The following DKK3 variants were observed in gnomAD, a reference collection of about 807,000 sequenced individuals.
DKK3 encodes dickkopf-related protein 3.
DKK3 carries 22 observed loss-of-function variants against 33.2 expected under a neutral mutation model. The observed-to-expected ratio is 0.66, with a 90% confidence interval of 0.47 to 0.95. The LOEUF is 0.95. DKK3 is among the 40% of genes least tolerant of loss of function. DKK3 has a pLI of 0.00. For synonymous variants in DKK3, 194 were observed against 188.8 expected, an observed-to-expected ratio of 1.03 and a Z score of -0.23; for missense variants, 398 against 458.4, an observed-to-expected ratio of 0.87 and a Z score of 1.20.
At chr11:11,988,741 G>C (rs954032392) in intron 3 of DKK3, among the ~76,000 whole-genome samples, 1 of 152,176 alleles carries the variant, frequency 6.6e-6, no homozygotes, top group African/African-American at 2.4e-5. Context: ...ATTCCTGAAT[G>C]GTCAAGGAAA....
intron 3 of DKK3, among the ~76,000 whole-genome samples, chr11:11,970,355 C>A (rs1189177962): frequency 6.6e-6 from 1 of 152,152 alleles, no homozygotes; most frequent in African/African-American, 2.4e-5. Context: ...CAGAAATTTG[C>A]CTCTTCAAAT....
chr11:11,964,523 T>C lies in DKK3; in HGVS notation c.994A>G (p.Met332Val), dbSNP rs759549434. The C allele has an allele frequency of 6.2e-7, 1 of 1,614,000 alleles. No individual in the cohort carries two copies. Among genetic ancestry groups the C allele is most frequent in the Non-Finnish European group, 8.5e-7 (1 of 1,180,008 alleles). ...EDLERSLTEEMALREPAAAAA... is the reference protein window; with the variant it reads ...EDLERSLTEEVALREPAAAAA... Reference sequence around the variant, plus strand: ...GCAGCCGCAGGCTCCCTCAGCGCCATCTCTTCAGTCAGGCTCCTCTCCAGG... The same window carrying C: ...GCAGCCGCAGGCTCCCTCAGCGCCACCTCTTCAGTCAGGCTCCTCTCCAGG... Residue 332 changes from methionine to valine, a missense_variant, in exon 7 of 7, where the codon ATG becomes GTG. Transcript: ENST00000683431.
intron 3 of DKK3, among the ~76,000 whole-genome samples, chr11:11,975,402 T>C (rs1847812002): frequency 6.6e-6 from 1 of 152,240 alleles, no homozygotes; most frequent in Admixed American, 6.5e-5. Context: ...GTACACATTC[T>C]AGTCACTGAA....
chr11:11,976,248 G>C (rs574415795), intron 3 of DKK3, among the ~76,000 whole-genome samples: 1 of 152,320 alleles, frequency 6.6e-6, no homozygotes, highest in African/African-American at 2.4e-5. Context: ...CTCTGCTCTG[G>C]AGGGGAAGAC....
rs541867290 is a variant in DKK3 at position 12,007,199 on chromosome 11, G to A, written c.213+1171C>T. Among the ~76,000 whole-genome samples the A allele has an allele frequency of 2.0e-5, 3 of 152,290 alleles. No homozygotes were observed. In the South Asian group the frequency reaches 6.2e-4, roughly 32 times the overall value. ...GCCCCAAACTACAAAGGGCTGCGGGGAGAAAGCAACTTCCCCCTGGAGACA... is the reference window on the plus strand; with the variant it reads ...GCCCCAAACTACAAAGGGCTGCGGGAAGAAAGCAACTTCCCCCTGGAGACA... On this transcript the variant is annotated intron_variant, in intron 1 of 6. Coordinates refer to ENST00000683431, the MANE Select transcript of DKK3 (RefSeq NM_001018057.2).
chr11:11,974,116 A>T (rs1847782244), intron 3 of DKK3, among the ~76,000 whole-genome samples: 1 of 152,212 alleles, frequency 6.6e-6, no homozygotes, highest in South Asian at 2.1e-4. Context: ...CTCTGGAGAG[A>T]ACATCTTCAG....
chr11:12,005,949 T>C lies in DKK3; in HGVS notation c.213+2421A>G, dbSNP rs143796701. Reference sequence around the variant, plus strand: ...AAGATATTTTAAAAGATAGATTCTATTGAGAATCTATCAGACACTGGTGGT... The same window carrying C: ...AAGATATTTTAAAAGATAGATTCTACTGAGAATCTATCAGACACTGGTGGT... On this transcript the variant is annotated intron_variant, in intron 1 of 6. Transcript: ENST00000683431. 2.0e-3 allele frequency among the ~76,000 whole-genome samples: 300 copies of C among 152,326 alleles called. 2 individuals are homozygous for C. The highest frequency in any genetic ancestry group is 3.1e-3 in the Non-Finnish European group (211 of 68,030).
chr11:12,006,209 T>C (rs1162690634), intron 1 of DKK3, among the ~76,000 whole-genome samples: 1 of 152,220 alleles, frequency 6.6e-6, no homozygotes, highest in Non-Finnish European at 1.5e-5. Context: ...GGGGCCTATA[T>C]GACTCCCTTC....
chr11:12,007,465 G>A (rs1848560956), intron 1 of DKK3, among the ~76,000 whole-genome samples: 1 of 152,198 alleles, frequency 6.6e-6, no homozygotes, highest in African/African-American at 2.4e-5. Context: ...CTGGGCCAGT[G>A]ACATCTCCTG....
At chr11:11,983,173 T>C (rs981947031) in intron 3 of DKK3, among the ~76,000 whole-genome samples, 1 of 152,208 alleles carries the variant, frequency 6.6e-6, no homozygotes, top group Non-Finnish European at 1.5e-5. Flanking sequence ...TTTGCCCTTT[T>C]TAGATGAGTC....
At chr11:11,988,460 C>T (rs1848116598) in intron 3 of DKK3, among the ~76,000 whole-genome samples, 1 of 152,196 alleles carries the variant, frequency 6.6e-6, no homozygotes, top group Non-Finnish European at 1.5e-5. Flanking sequence ...GGCTCTGACC[C>T]TGGAAGAGGA....
chr11:12,001,707 T>C (rs2133329767), intron 2 of DKK3: 1 of 152,450 alleles, frequency 6.6e-6, no homozygotes, highest in Non-Finnish European at 1.5e-5. Context: ...GGAATGAACC[T>C]GGTTGTTCTT....
chr11:11,972,948 G>A (rs971690876), intron 3 of DKK3, among the ~76,000 whole-genome samples: 40 of 152,082 alleles, frequency 2.6e-4, no homozygotes, highest in Admixed American at 2.4e-3. Flanking sequence ...AGAAATAAGA[G>A]GCCTGGGAGG....
intron 2 of DKK3, among the ~76,000 whole-genome samples, chr11:11,999,352 T>C (rs1487208925): frequency 6.6e-6 from 1 of 152,188 alleles, no homozygotes; most frequent in Admixed American, 6.5e-5. Flanking sequence ...AAGTCTAACA[T>C]AGAACCCAGG....
chr11:11,993,458 G>C (rs1419694363), intron 3 of DKK3, among the ~76,000 whole-genome samples: 3 of 151,832 alleles, frequency 2.0e-5, no homozygotes, highest in Non-Finnish European at 4.4e-5. Flanking sequence ...TTTGATTTTA[G>C]ATGTGGAATC....
chr11:11,993,391 A>C (rs1204558381), intron 3 of DKK3, among the ~76,000 whole-genome samples: 1 of 151,778 alleles, frequency 6.6e-6, no homozygotes, highest in Non-Finnish European at 1.5e-5. Context: ...TTTTTCACTT[A>C]ATGTTTGATT....
chr11:11,971,541 A>G (rs2135005376), intron 3 of DKK3, among the ~76,000 whole-genome samples: 1 of 152,346 alleles, frequency 6.6e-6, no homozygotes, highest in South Asian at 2.1e-4. Flanking sequence ...ATCATTAGCA[A>G]TGGTTTGAGA....
chr11:11,982,153 T>C (rs1847968038), intron 3 of DKK3, among the ~76,000 whole-genome samples: 1 of 152,132 alleles, frequency 6.6e-6, no homozygotes, highest in Admixed American at 6.5e-5. Context: ...TGGGGAGTGC[T>C]GTGGGCGCTC....
intron 3 of DKK3, among the ~76,000 whole-genome samples, chr11:11,977,814 C>T (rs911647308): frequency 6.6e-6 from 1 of 152,222 alleles, no homozygotes; most frequent in African/African-American, 2.4e-5. Flanking sequence ...CCGCTGCCTC[C>T]TCCATGGCTC....
Sources: allele counts gnomAD v4.1 joint callset (sites outside exome capture counted in the v4.1 genomes callset), GRCh38; gene constraint gnomAD v4.1.1; transcripts MANE v1.5; gene names NCBI Gene and HGNC (gene_info 2026-07-23, HGNC 2026-07-21).